INPP4B: variants seen among roughly 807,000 people sequenced by gnomAD.
INPP4B encodes the protein inositol polyphosphate 4-phosphatase type II.
Under a neutral mutation model 122.5 loss-of-function variants are expected in INPP4B, and 55 were observed. That is an observed-to-expected ratio of 0.45 (90% CI 0.36 to 0.56). INPP4B has a LOEUF of 0.56. INPP4B is among the 20% of genes least tolerant of loss of function. The probability of loss-of-function intolerance (pLI) is 0.00; values close to 1 mark genes in which losing one functional copy is unlikely to be tolerated. For synonymous variants in INPP4B, 403 were observed against 388.7 expected (o/e 1.04, Z -0.43); for missense variants, 1,000 against 1,097.7 (o/e 0.91, Z 1.26).
intron 12 of INPP4B, among the ~76,000 whole-genome samples, chr4:142,213,719 T>C (rs543146535): frequency 6.6e-6 from 1 of 152,192 alleles, no homozygotes; most frequent in East Asian, 1.9e-4. Flanking sequence ...ATGCTTAACA[T>C]ACATATGCAC....
chr4:142,193,289 A>AG (rs1424971745), intron 14 of INPP4B, 94 bp from the exon 15 acceptor site: 1 of 680,962 alleles, frequency 1.5e-6, no homozygotes, highest in Non-Finnish European at 2.6e-6. Context: ...AGGAAGTATG[A>AG]GAAATTATTC....
At position 142,463,865 on chromosome 4, in the gene INPP4B, C is replaced by T. The variant is rs181826968; in HGVS notation, c.-190-1139G>A. Among the ~76,000 whole-genome samples the T allele has an allele frequency of 4.3e-3, 650 of 152,252 alleles. 5 individuals are homozygous for T. The highest frequency in any genetic ancestry group is 0.015 in the African/African-American group (617 of 41,548). ...GTTTCCTGAGGCCTCCCCAGCCCTG[C>T]AGAACTGAGTCAATTAAACCTCTTT... On this transcript the variant is annotated intron_variant, in intron 2 of 25. Transcript: ENST00000262992.
chr4:142,232,676 AT>A (rs1854916087), intron 12 of INPP4B, among the ~76,000 whole-genome samples: 1 of 152,066 alleles, frequency 6.6e-6, no homozygotes, highest in Non-Finnish European at 1.5e-5. Flanking sequence ...GCTAGAAATG[AT>A]TAAAGTGAGG....
intron 25 of INPP4B, among the ~76,000 whole-genome samples, chr4:142,043,085 G>A (rs1749153650): frequency 6.6e-6 from 1 of 152,102 alleles, no homozygotes; most frequent in African/African-American, 2.4e-5. Flanking sequence ...AAGTATTAGA[G>A]GATTCATCAT....
intron 9 of INPP4B, 115 bp from the exon 10 acceptor site, chr4:142,270,889 A>G (rs1391841622): frequency 1.4e-5 from 10 of 695,908 alleles, no homozygotes; most frequent in Non-Finnish European, 2.6e-5. Flanking sequence ...TAATAAGACA[A>G]CATCTGCATA....
intron 17 of INPP4B, among the ~76,000 whole-genome samples, chr4:142,154,883 G>T (rs1340211617): frequency 6.6e-6 from 1 of 151,928 alleles, no homozygotes; most frequent in African/African-American, 2.4e-5. Flanking sequence ...TCCTATCAAA[G>T]CTTATAAAGT....
chr4:142,055,733 A>G (rs1757310792), intron 25 of INPP4B, among the ~76,000 whole-genome samples: 1 of 151,700 alleles, frequency 6.6e-6, no homozygotes, highest in South Asian at 2.1e-4. Flanking sequence ...ATGGAATATT[A>G]GAAGGATCCT....
At chr4:142,571,561 A>C (rs926964569) in intron 2 of INPP4B, among the ~76,000 whole-genome samples, 2 of 152,140 alleles carry the variant, frequency 1.3e-5, no homozygotes, top group Non-Finnish European at 1.5e-5. Context: ...TTCTTACTAC[A>C]TGTCCTCAGT....
At chr4:142,823,732 T>C (rs1354669104) in intron 1 of INPP4B, among the ~76,000 whole-genome samples, 1 of 152,188 alleles carries the variant, frequency 6.6e-6, no homozygotes, top group Non-Finnish European at 1.5e-5. Flanking sequence ...GATAGCGTTT[T>C]GATAAAAGCT....
At chr4:142,135,485 T>A (rs2152805651) in intron 18 of INPP4B, among the ~76,000 whole-genome samples, 1 of 152,296 alleles carries the variant, frequency 6.6e-6, no homozygotes, top group East Asian at 1.9e-4. Flanking sequence ...CAACTTTAGG[T>A]CCATGTTCTC....
At chr4:142,191,478 C>T (rs1428027830) in intron 15 of INPP4B, among the ~76,000 whole-genome samples, 1 of 152,182 alleles carries the variant, frequency 6.6e-6, no homozygotes, top group African/African-American at 2.4e-5. Context: ...ATGGGCAAAA[C>T]CCTGTCTTCC....
intron 1 of INPP4B, among the ~76,000 whole-genome samples, chr4:142,733,373 G>A (rs974539498): frequency 6.6e-6 from 1 of 152,084 alleles, no homozygotes; most frequent in Non-Finnish European, 1.5e-5. Context: ...AAGCCATGGA[G>A]TATAAAAAGA....
intron 2 of INPP4B, among the ~76,000 whole-genome samples, chr4:142,644,619 A>C (rs2150501492): frequency 6.6e-6 from 1 of 151,654 alleles, no homozygotes; most frequent in African/African-American, 2.4e-5. Flanking sequence ...CAAAGAGGAC[A>C]GGTGCAGCAG....
chr4:142,696,307 A>T (rs1761014595), intron 2 of INPP4B, among the ~76,000 whole-genome samples: 2 of 152,152 alleles, frequency 1.3e-5, no homozygotes, highest in South Asian at 4.1e-4. Context: ...CCCCAGGAGA[A>T]CTTTCCAAGA....
At chr4:142,480,522 A>G (rs1487072480) in intron 2 of INPP4B, among the ~76,000 whole-genome samples, 1 of 152,188 alleles carries the variant, frequency 6.6e-6, no homozygotes, top group Non-Finnish European at 1.5e-5. Flanking sequence ...AGGTAGTCTG[A>G]GAAGTCAATT....
chr4:142,772,583 T>C (rs551337091), intron 1 of INPP4B, among the ~76,000 whole-genome samples: 16 of 152,096 alleles, frequency 1.1e-4, no homozygotes, highest in Non-Finnish European at 1.3e-4. Context: ...CAAAACACCA[T>C]CACGGCACAA....
intron 11 of INPP4B, among the ~76,000 whole-genome samples, chr4:142,248,554 G>A (rs1008187989): frequency 6.6e-6 from 1 of 151,774 alleles, no homozygotes; most frequent in South Asian, 2.1e-4. Context: ...GGCCAGACTG[G>A]TCTTGAACTT....
chr4:142,254,114 G>A (rs889986132), intron 11 of INPP4B, among the ~76,000 whole-genome samples: 9 of 152,014 alleles, frequency 5.9e-5, no homozygotes, highest in Admixed American at 2.0e-4. Flanking sequence ...TCACACGGCC[G>A]GTACTCCAAC....
rs200589366 is a variant in INPP4B at position 142,160,534 on chromosome 4, C to T, written c.1387G>A (p.Asp463Asn). Reference sequence around the variant, plus strand: ...AAAAGAGCACTCCTGACAAGTTGATCCTTGAAGGCATGTACAAAAAGCTCT... The same window carrying T: ...AAAAGAGCACTCCTGACAAGTTGATTCTTGAAGGCATGTACAAAAAGCTCT... Reference protein sequence around the residue: ...KTELFVHAFKDQLVRSALLAL... With the variant: ...KTELFVHAFKNQLVRSALLAL... Residue 463 changes from aspartate to asparagine, a missense_variant, in exon 17 of 26, where the codon GAT (aspartate) becomes AAT (asparagine). Physicochemically the swap from Asp to Asn is conservative, Grantham distance 23. Transcript: ENST00000262992. 6.2e-7 allele frequency: 1 copy of T among 1,605,546 alleles called. No individual in the cohort carries two copies. The highest frequency in any genetic ancestry group is 8.5e-7 in the Non-Finnish European group (1 of 1,173,902).
Sources: gnomAD v4.1 joint callset for allele counts (sites outside exome capture counted in the v4.1 genomes callset) on GRCh38, gnomAD v4.1.1 for gene constraint, MANE v1.5 for transcripts, NCBI Gene and HGNC (gene_info 2026-07-23, HGNC 2026-07-21) for gene names.